The following RC3H1 variants were observed in gnomAD, a reference collection of about 807,000 sequenced individuals.
RC3H1 encodes the protein ring finger and CCCH-type domains 1.
RC3H1 carries 50 observed loss-of-function variants against 138.2 expected under a neutral mutation model. The observed-to-expected ratio is 0.36, with a 90% CI of 0.29 to 0.46. The LOEUF (loss-of-function observed/expected upper bound fraction) is 0.46, where lower values mean the gene tolerates loss of function less well. RC3H1 is among the 20% of genes least tolerant of loss of function. The probability of loss-of-function intolerance (pLI) is 1.00; values close to 1 mark genes in which losing one functional copy is unlikely to be tolerated. For synonymous variants in RC3H1, 462 were observed against 489.1 expected, an observed-to-expected ratio of 0.94 and a Z score of 0.73; for missense variants, 1,031 against 1,388.1, an observed-to-expected ratio of 0.74 and a Z score of 4.09.
intron 1 of RC3H1, among the ~76,000 whole-genome samples, chr1:173,999,146 T>G (rs1378840202): frequency 3.3e-5 from 5 of 151,358 alleles, no homozygotes; most frequent in Non-Finnish European, 7.4e-5. Flanking sequence ...CCCAGGACTT[T>G]GGGAGGCTGA....
chr1:173,947,685 A>G, intron 14 of RC3H1, 103 bp from the exon 15 acceptor site: 2 of 772,872 alleles, frequency 2.6e-6, no homozygotes, highest in East Asian at 5.0e-5. Context: ...CAGCACTCTT[A>G]CTGGTAAGAC....
rs1194756979 is a variant in RC3H1, at chr1:173,935,699, A to G, written c.*3022T>C. 6.6e-6 allele frequency: 1 copy of G among 152,226 alleles called. No individual in the cohort carries two copies. The highest frequency in any genetic ancestry group is 2.4e-5 in the African/African-American group (1 of 41,460). 9.4% of individuals were successfully genotyped at this position (152,226 alleles called of 1,614,324 possible). A position where few individuals can be genotyped will look rare whatever the true frequency, so the allele number is the denominator to read the frequency against. On this transcript the variant is annotated 3_prime_UTR_variant, in exon 20 of 20. Coordinates refer to ENST00000367696, the MANE Select transcript of RC3H1 (RefSeq NM_172071.4). ...TCCTTACAGGCTCATGATATCACAG[A>G]GAAAAGGAAAAGGAAAAAAAGCAAA...
chr1:173,942,153 A>T (rs933470524), intron 18 of RC3H1, among the ~76,000 whole-genome samples: 2 of 151,578 alleles, frequency 1.3e-5, no homozygotes, highest in African/African-American at 4.9e-5. Flanking sequence ...GAGGCAGAAG[A>T]ATCACTTGAA....
At chr1:173,959,975 G>A (rs969571375) in intron 13 of RC3H1, among the ~76,000 whole-genome samples, 2 of 151,738 alleles carry the variant, frequency 1.3e-5, no homozygotes, top group Non-Finnish European at 2.9e-5. Flanking sequence ...GGGCGTGGTG[G>A]TGCGTGCCTG....
rs1263602209 is a variant in RC3H1 at position 173,993,086 on chromosome 1, T to G, written c.-101A>C. 1.2e-6 allele frequency: 1 copy of G among 829,480 alleles called. No homozygotes were observed. The highest frequency in any genetic ancestry group is 2.7e-5 in the East Asian group (1 of 37,402). The allele number at this position is 829,480 out of a possible 1,614,324, so 51.4% of individuals were successfully genotyped here. A position where few individuals can be genotyped will look rare whatever the true frequency, so the allele number is the denominator to read the frequency against. On this transcript the variant is annotated 5_prime_UTR_variant, in exon 2 of 20. Transcript: ENST00000367696. The stretch of plus-strand genomic sequence containing the variant: ...TTTGAAAAAAAGTTTATCTTTTTTT[T>G]TTTTAAATATCTTCTGTAGATACAG...
At position 173,961,095 on chromosome 1, in the gene RC3H1, A is replaced by C; in HGVS notation, c.2352T>G (p.Pro784=). 1 of 1,613,154 alleles carries C rather than the reference A, an allele frequency of 6.2e-7. No homozygotes were observed. Among genetic ancestry groups the C allele is most frequent in the Non-Finnish European group, 8.5e-7 (1 of 1,179,646 alleles). The change falls in exon 13 of 20, where the codon CCT becomes CCG. Residue 784 remains proline (P), a synonymous_variant. Transcript: ENST00000367696. ...TGCTTACTTCTTCCGGATGAAAGGT[A>C]GGAGGCAAGGTTGGTGAAGGTGCAA... is the stretch of plus-strand genomic sequence containing the variant. ...PPFAPSPTLP[P]TFHPEEFLDE...
At chr1:173,967,638 G>A (rs1168226867) in intron 9 of RC3H1, among the ~76,000 whole-genome samples, 8 of 152,122 alleles carry the variant, frequency 5.3e-5, no homozygotes. Flanking sequence ...CGTAAACTAT[G>A]TTTATGATCC....
At chr1:173,943,409 A>G (rs1571166016) in intron 18 of RC3H1, 33 bp downstream of exon 18, 1 of 1,568,770 alleles carries the variant, frequency 6.4e-7, no homozygotes, top group African/African-American at 1.4e-5. Context: ...ATTTCATTTC[A>G]CCTTCCCTCT....
rs1168573069 is a variant in RC3H1 at position 173,932,528 on chromosome 1, T to C, written c.*6193A>G. 1.3e-5 allele frequency: 2 copies of C among 152,126 alleles called. No individual in the cohort carries two copies. The highest frequency in any genetic ancestry group is 4.8e-5 in the African/African-American group (2 of 41,442). 9.4% of individuals were successfully genotyped at this position (152,126 alleles called of 1,614,324 possible). A position where few individuals can be genotyped will look rare whatever the true frequency, so the allele number is the denominator to read the frequency against. ...AAGATAATGAGACCTGTGGACTAAT[T>C]AATTTTTTTAAAAAAGTTCCTTTTA... On this transcript the variant is annotated 3_prime_UTR_variant, in exon 20 of 20. Transcript: ENST00000367696.
chr1:173,993,075 T>A lies in RC3H1; in HGVS notation c.-90A>T, dbSNP rs980607631. The A allele has an allele frequency of 2.1e-5, 20 of 945,508 alleles. No homozygotes were observed. The highest frequency in any genetic ancestry group is 1.3e-5 in the Non-Finnish European group (8 of 618,140). 58.6% of individuals were successfully genotyped at this position (945,508 alleles called of 1,614,324 possible). A position where few individuals can be genotyped will look rare whatever the true frequency, so the allele number is the denominator to read the frequency against. ...GAATCAAAATCTTTGAAAAAAAGTT[T>A]ATCTTTTTTTTTTTTAAATATCTTC... is the stretch of plus-strand genomic sequence containing the variant. On this transcript the variant is annotated 5_prime_UTR_variant, in exon 2 of 20. Transcript: ENST00000367696.
chr1:174,021,790 G>T (rs1661967208), intron 1 of RC3H1, among the ~76,000 whole-genome samples: 1 of 152,322 alleles, frequency 6.6e-6, no homozygotes, highest in South Asian at 2.1e-4. Flanking sequence ...ACAGGAGCCA[G>T]GTAGCCCTTT....
chr1:173,946,667 C>T, intron 16 of RC3H1, 59 bp from the exon 17 acceptor site: 2 of 1,601,714 alleles, frequency 1.2e-6, no homozygotes, highest in East Asian at 2.2e-5. Flanking sequence ...TAACATATTA[C>T]TGACCAGAAA....
chr1:174,014,026 G>A (rs1261452503), intron 1 of RC3H1, among the ~76,000 whole-genome samples: 1 of 152,196 alleles, frequency 6.6e-6, no homozygotes, highest in South Asian at 2.1e-4. Context: ...AACTATGACT[G>A]TAAAAAGATC....
intron 13 of RC3H1, among the ~76,000 whole-genome samples, chr1:173,956,667 TAA>T (rs75866304): frequency 2.4e-4 from 20 of 84,868 alleles, no homozygotes; most frequent in Non-Finnish European, 3.4e-4. Context: ...CTCAAAAAAT[TAA>T]AAAAAAAAAA....
At chr1:173,987,936 G>A (rs2103026560) in intron 2 of RC3H1, among the ~76,000 whole-genome samples, 1 of 152,130 alleles carries the variant, frequency 6.6e-6, no homozygotes, top group South Asian at 2.1e-4. Context: ...TTACTTAACT[G>A]TTCAATTCTA....
chr1:173,986,125 G>A (rs994718506), intron 2 of RC3H1, among the ~76,000 whole-genome samples: 2 of 151,422 alleles, frequency 1.3e-5, no homozygotes, highest in Admixed American at 6.6e-5. Context: ...GGGTTCCAGC[G>A]ATTCTTCTGC....
chr1:174,011,249 T>G (rs1661742552), intron 1 of RC3H1, among the ~76,000 whole-genome samples: 1 of 151,342 alleles, frequency 6.6e-6, no homozygotes. Flanking sequence ...AATGAATAAA[T>G]CCAAAGAATC....
Position 173,953,082 on chromosome 1 carries a change from T to C in RC3H1, c.2371-944A>G, listed in dbSNP as rs1272930940. On this transcript the variant is annotated intron_variant, in intron 13 of 19. Coordinates refer to ENST00000367696, the MANE Select transcript of RC3H1 (RefSeq NM_172071.4). The stretch of plus-strand genomic sequence containing the variant: ...TTCTGAGTCATCATTATTGGCCTTC[T>C]GCATTGACATAGGGTCTGCTGCTCA... Among the ~76,000 whole-genome samples the C allele has an allele frequency of 2.0e-5, 3 of 152,356 alleles. No homozygotes were observed. In the East Asian group the frequency reaches 5.8e-4, roughly 29 times the overall value.
Position 173,961,243 on chromosome 1 carries a change from T to C in RC3H1, c.2204A>G (p.Glu735Gly). Residue 735 changes from glutamate to glycine, a missense_variant and splice_region_variant, in exon 13 of 20, where the codon GAA (glutamate) becomes GGA (glycine). Physicochemically the swap from Glu to Gly is moderately conservative, Grantham distance 98. Coordinates refer to ENST00000367696, the MANE Select transcript of RC3H1 (RefSeq NM_172071.4). Reference sequence around the variant, plus strand: ...AGGAGGAAGCCGGCTATAAGGAGGTTCCTAAAAATAGAAAGATTAGTTAAA... The same window carrying C: ...AGGAGGAAGCCGGCTATAAGGAGGTCCCTAAAAATAGAAAGATTAGTTAAA... ...PTQIRPSYLR[E>G]PPYSRLPPPP... 1 of 1,603,152 alleles carries C rather than the reference T, an allele frequency of 6.2e-7. No individual in the cohort carries two copies. The highest frequency in any genetic ancestry group is 8.5e-7 in the Non-Finnish European group (1 of 1,176,950).
Sources: allele counts gnomAD v4.1 joint callset (sites outside exome capture counted in the v4.1 genomes callset), GRCh38; gene constraint gnomAD v4.1.1; transcripts MANE v1.5; gene names NCBI Gene and HGNC (gene_info 2026-07-23, HGNC 2026-07-21).